ERBB4: variants seen among roughly 807,000 people sequenced by gnomAD.
ERBB4 encodes the protein erb-b2 receptor tyrosine kinase 4, also known as receptor tyrosine-protein kinase erbB-4.
Under a neutral mutation model 158.0 loss-of-function variants are expected in ERBB4, and 42 were observed. The observed-to-expected ratio is 0.27, with a 90% CI of 0.21 to 0.34. The LOEUF is 0.34. Among genes scored for constraint, ERBB4 ranks in the 10% least tolerant of loss-of-function variants. The pLI is 1.00. For synonymous variants in ERBB4, 583 were observed against 558.7 expected (o/e 1.04, Z -0.61); for missense variants, 1,333 against 1,624.1 (o/e 0.82, Z 3.08).
chr2:211,594,165 G>A (rs1226200835), intron 19 of ERBB4, among the ~76,000 whole-genome samples: 1 of 152,100 alleles, frequency 6.6e-6, no homozygotes, highest in East Asian at 1.9e-4. Context: ...AGCTGGGCGT[G>A]GTGGCTCACA....
chr2:212,274,701 T>C (rs952372414), intron 1 of ERBB4, among the ~76,000 whole-genome samples: 4 of 151,834 alleles, frequency 2.6e-5, no homozygotes, highest in African/African-American at 9.7e-5. Context: ...TTTGTGTATA[T>C]TTTATGGCCA....
At chr2:212,071,551 T>C (rs1575595698) in intron 2 of ERBB4, among the ~76,000 whole-genome samples, 1 of 152,114 alleles carries the variant, frequency 6.6e-6, no homozygotes, top group East Asian at 1.9e-4. Context: ...AATAATCTTC[T>C]ATCACCATTG....
chr2:211,665,074 T>C (rs2105917769), intron 15 of ERBB4, among the ~76,000 whole-genome samples: 1 of 152,362 alleles, frequency 6.6e-6, no homozygotes, highest in Admixed American at 6.5e-5. Context: ...AAAGTATACC[T>C]GACACTAGCT....
At chr2:211,943,985 A>G (rs2080578983) in intron 3 of ERBB4, among the ~76,000 whole-genome samples, 1 of 150,914 alleles carries the variant, frequency 6.6e-6, no homozygotes, top group Admixed American at 6.7e-5. Context: ...CAGAAAGCTA[A>G]TGTGCTGTTC....
chr2:212,056,113 G>C (rs1010125658), intron 2 of ERBB4, among the ~76,000 whole-genome samples: 1 of 152,190 alleles, frequency 6.6e-6, no homozygotes, highest in Non-Finnish European at 1.5e-5. Flanking sequence ...AACATGGCAC[G>C]AGAACTACGT....
intron 20 of ERBB4, among the ~76,000 whole-genome samples, chr2:211,548,854 T>C (rs2125697431): frequency 6.6e-6 from 1 of 152,210 alleles, no homozygotes; most frequent in East Asian, 1.9e-4. Flanking sequence ...TAAACTAAGA[T>C]TTCACATGAA....
intron 2 of ERBB4, among the ~76,000 whole-genome samples, chr2:212,096,604 A>T (rs2078940772): frequency 6.6e-6 from 1 of 152,214 alleles, no homozygotes; most frequent in African/African-American, 2.4e-5. Context: ...CATAGTATAC[A>T]TGTCATGCAT....
At chr2:211,788,356 A>G (rs565641802) in intron 3 of ERBB4, among the ~76,000 whole-genome samples, 197 bp from the exon 4 acceptor site, 1 of 152,246 alleles carries the variant, frequency 6.6e-6, no homozygotes, top group South Asian at 2.1e-4. Context: ...TAAAAATTAC[A>G]AAAGTGAAAA....
intron 19 of ERBB4, among the ~76,000 whole-genome samples, chr2:211,573,298 T>C (rs538254466): frequency 6.6e-6 from 1 of 152,200 alleles, no homozygotes; most frequent in African/African-American, 2.4e-5. Context: ...CCTACCAACA[T>C]CTTGATTTCA....
At chr2:211,486,219 T>C (rs1412204286) in intron 20 of ERBB4, among the ~76,000 whole-genome samples, 1 of 152,154 alleles carries the variant, frequency 6.6e-6, no homozygotes, top group Non-Finnish European at 1.5e-5. Flanking sequence ...TTTCCTTTTC[T>C]TTTTTCTTAA....
Position 212,315,279 on chromosome 2 carries a change from G to A in ERBB4, c.83-190376C>T, listed in dbSNP as rs184663827. 5.3e-5 allele frequency among the ~76,000 whole-genome samples: 8 copies of A among 151,270 alleles called. 1 individual carries two copies. Among genetic ancestry groups the A allele is most frequent in the Admixed American group, 4.0e-4 (6 of 15,136 alleles). ...AAGTAACACATCATTTTGAGTATCC[G>A]GGCTAGAGGTTCACTTTCTCTTAAT... On this transcript the variant is annotated intron_variant, in intron 1 of 27. Transcript: ENST00000342788.
intron 1 of ERBB4, among the ~76,000 whole-genome samples, chr2:212,223,857 G>C (rs1546719): frequency 0.48 from 73,262 of 151,370 alleles, 18,116 homozygotes; most frequent in East Asian, 0.76. Flanking sequence ...ATCAGTGTTT[G>C]AATTTAGTCA....
At chr2:212,458,797 T>C (rs1308760670) in intron 1 of ERBB4, among the ~76,000 whole-genome samples, 2 of 152,046 alleles carry the variant, frequency 1.3e-5, no homozygotes, top group Non-Finnish European at 2.9e-5. Context: ...ATGAGGAAAA[T>C]GTTTAGAAAC....
intron 2 of ERBB4, among the ~76,000 whole-genome samples, chr2:212,121,396 C>T (rs12151841): frequency 0.41 from 62,315 of 151,922 alleles, 15,204 homozygotes; most frequent in Non-Finnish European, 0.55. Context: ...TATTTTTAGT[C>T]GAGACGAGGT....
At chr2:211,617,079 T>C (rs112994050) in intron 19 of ERBB4, among the ~76,000 whole-genome samples, 4,800 of 152,142 alleles carry the variant, frequency 0.032, 244 homozygotes, top group African/African-American at 0.11. Context: ...CAAATAATCA[T>C]TCAAAATCAT....
chr2:212,266,387 C>A (rs2085137092), intron 1 of ERBB4, among the ~76,000 whole-genome samples: 1 of 151,934 alleles, frequency 6.6e-6, no homozygotes, highest in Non-Finnish European at 1.5e-5. Flanking sequence ...CATCAAAAAT[C>A]AAACAAGGAC....
intron 19 of ERBB4, among the ~76,000 whole-genome samples, chr2:211,577,198 T>C (rs1367486152): frequency 1.3e-5 from 2 of 152,158 alleles, no homozygotes; most frequent in African/African-American, 4.8e-5. Context: ...AAGTGTGGCA[T>C]GCATGGGGAA....
chr2:212,322,861 G>A (rs542575315), intron 1 of ERBB4, among the ~76,000 whole-genome samples: 2 of 149,914 alleles, frequency 1.3e-5, no homozygotes, highest in Non-Finnish European at 3.0e-5. Context: ...CCAGAATAGT[G>A]TTTCATTTTA....
chr2:211,742,738 G>T (rs1301348452), intron 5 of ERBB4, among the ~76,000 whole-genome samples: 2 of 151,880 alleles, frequency 1.3e-5, no homozygotes, highest in African/African-American at 4.8e-5. Flanking sequence ...TATAATGTCT[G>T]TATGGAAAAA....
Sources: gnomAD v4.1 joint callset for allele counts (sites outside exome capture counted in the v4.1 genomes callset) on GRCh38, gnomAD v4.1.1 for gene constraint, MANE v1.5 for transcripts, NCBI Gene and HGNC (gene_info 2026-07-23, HGNC 2026-07-21) for gene names.